CNTNAP2: variants seen among roughly 807,000 people sequenced by gnomAD.
CNTNAP2 encodes contactin associated protein 2, also known as contactin-associated protein-like 2.
In CNTNAP2, 98 loss-of-function variants were observed where a neutral mutation model predicts 155.2. The observed-to-expected ratio is 0.63, with a 90% CI of 0.54 to 0.75. CNTNAP2 has a LOEUF of 0.75. Ranked by LOEUF, CNTNAP2 falls within the 30% of genes least tolerant of loss-of-function variation. The probability of loss-of-function intolerance (pLI) is 0.00; values close to 1 mark genes in which losing one functional copy is unlikely to be tolerated. For synonymous variants in CNTNAP2, 651 were observed against 631.2 expected, an observed-to-expected ratio of 1.03 and a Z score of -0.47; for missense variants, 1,727 against 1,688.1, an observed-to-expected ratio of 1.02 and a Z score of -0.40.
chr7:146,199,148 A>G (rs1798820628), intron 1 of CNTNAP2, among the ~76,000 whole-genome samples: 1 of 152,048 alleles, frequency 6.6e-6, no homozygotes, highest in Admixed American at 6.5e-5. Flanking sequence ...TCTCCCTTTA[A>G]AACATGCCTA....
Position 146,721,889 on chromosome 7 carries a change from A to ATATATTTTT in CNTNAP2, c.98-52381_98-52380insATATTTTTT. Among the ~76,000 whole-genome samples the ATATATTTTT allele has an allele frequency of 1.9e-4, 13 of 69,738 alleles. 2 individuals are homozygous for ATATATTTTT. The African/African-American group carries it at 2.5e-3, about 13-fold the overall frequency. The allele number at this position is 69,738 out of a possible 152,430, so 45.8% of individuals were successfully genotyped here. A position where few individuals can be genotyped will look rare whatever the true frequency, so the allele number is the denominator to read the frequency against. On this transcript the variant is annotated intron_variant, in intron 1 of 23. Transcript: ENST00000361727. ...TGTGTGTGTGTGTATATATATATAT[A>ATATATTTTT]TTTTTTTTTTTTTTTTTGAGATGGA...
At chr7:147,487,780 G>A (rs1360567346) in intron 11 of CNTNAP2, among the ~76,000 whole-genome samples, 2 of 152,118 alleles carry the variant, frequency 1.3e-5, no homozygotes, top group African/African-American at 4.8e-5. Flanking sequence ...ATGACTCCAA[G>A]GATTAGAAAT....
chr7:147,591,905 C>T (rs1363918949), intron 12 of CNTNAP2, among the ~76,000 whole-genome samples: 1 of 152,154 alleles, frequency 6.6e-6, no homozygotes, highest in Non-Finnish European at 1.5e-5. Context: ...CCTGAAATTT[C>T]ATCTCTGCCT....
chr7:148,154,518 G>C (rs1805363987), intron 17 of CNTNAP2, among the ~76,000 whole-genome samples: 1 of 152,166 alleles, frequency 6.6e-6, no homozygotes, highest in African/African-American at 2.4e-5. Flanking sequence ...GTATCATTGA[G>C]AGACCAAAGA....
intron 8 of CNTNAP2, among the ~76,000 whole-genome samples, chr7:147,278,170 A>T (rs1280459018): frequency 1.3e-5 from 2 of 151,304 alleles, no homozygotes; most frequent in African/African-American, 2.4e-5. Flanking sequence ...CCATCCCTTA[A>T]TTCTTGACAA....
At chr7:147,162,038 C>T (rs1397704266) in intron 8 of CNTNAP2, 2 of 152,272 alleles carry the variant, frequency 1.3e-5, no homozygotes, top group Admixed American at 1.3e-4. Context: ...AGATCAACAA[C>T]AAAAACCATA....
intron 2 of CNTNAP2, 58 bp from the exon 3 acceptor site, chr7:146,839,653 G>T (rs891717953): frequency 1.3e-6 from 2 of 1,568,090 alleles, no homozygotes; most frequent in African/African-American, 2.7e-5. Context: ...TCCATTGTCA[G>T]TTGTACAAGT....
intron 8 of CNTNAP2, among the ~76,000 whole-genome samples, chr7:147,224,607 C>G (rs28477368): frequency 6.6e-6 from 1 of 151,726 alleles, no homozygotes; most frequent in African/African-American, 2.4e-5. Flanking sequence ...TATTAAGAAA[C>G]CTTTAGTTAG....
In CNTNAP2 at chr7:147,319,315, A is replaced by G. The variant is rs374802380; in HGVS notation, c.1498+19025A>G. On this transcript the variant is annotated intron_variant, in intron 9 of 23. Coordinates refer to ENST00000361727, the MANE Select transcript of CNTNAP2 (RefSeq NM_014141.6). ...AATCTCTTGTGTTATGTCAAAGTAT[A>G]TAATGGTAAATATCAACTAAATACA... Among the ~76,000 whole-genome samples the G allele has an allele frequency of 1.8e-3, 274 of 152,316 alleles. 7 individuals carry two copies. The Middle Eastern group carries it at 0.031, about 17-fold the overall frequency.
intron 4 of CNTNAP2, among the ~76,000 whole-genome samples, chr7:147,078,457 C>T (rs963411294): frequency 2.0e-5 from 3 of 152,082 alleles, no homozygotes; most frequent in Non-Finnish European, 2.9e-5. Context: ...TGTTTTTCTC[C>T]CATCTCATGC....
chr7:147,264,758 T>C (rs1804569675), intron 8 of CNTNAP2, among the ~76,000 whole-genome samples: 1 of 151,702 alleles, frequency 6.6e-6, no homozygotes, highest in African/African-American at 2.4e-5. Context: ...GCAAGACAGG[T>C]GATAGCATCA....
intron 21 of CNTNAP2, among the ~76,000 whole-genome samples, chr7:148,373,439 A>G (rs750572485): frequency 2.0e-5 from 3 of 152,230 alleles, no homozygotes; most frequent in African/African-American, 4.8e-5. Context: ...TGGACGACAG[A>G]GCGAGACTCA....
chr7:147,003,366 G>T (rs978337651), intron 3 of CNTNAP2, among the ~76,000 whole-genome samples: 1 of 151,644 alleles, frequency 6.6e-6, no homozygotes, highest in Middle Eastern at 3.2e-3. Context: ...AGTTAAAAAG[G>T]GGCTATAAAC....
intron 1 of CNTNAP2, among the ~76,000 whole-genome samples, chr7:146,632,679 T>C: frequency 1.3e-5 from 2 of 152,180 alleles, no homozygotes; most frequent in Middle Eastern, 6.8e-3. Flanking sequence ...ATATCAAAGA[T>C]TATAAAAAAT....
rs144291754 is a variant in CNTNAP2 at position 146,872,162 on chromosome 7, ATTTTTTTT to A, written c.402+32275_402+32282del. On this transcript the variant is annotated intron_variant, in intron 3 of 23. Coordinates refer to ENST00000361727, the MANE Select transcript of CNTNAP2 (RefSeq NM_014141.6). ...CCTTTTGGGCCAGTTAAATTATTGA[ATTTTTTTT>A]TTTTTTTTTTTTTTTTGGTAAATTG... Among the ~76,000 whole-genome samples, 911 of 111,530 alleles carry A rather than the reference ATTTTTTTT, an allele frequency of 8.2e-3. 3 individuals carry two copies. Among genetic ancestry groups the A allele is most frequent in the African/African-American group, 0.028 (838 of 29,622 alleles). 73.2% of individuals were successfully genotyped at this position (111,530 alleles called of 152,430 possible). A position where few individuals can be genotyped will look rare whatever the true frequency, so the allele number is the denominator to read the frequency against.
chr7:146,569,663 A>G (rs1798411997), intron 1 of CNTNAP2, among the ~76,000 whole-genome samples: 1 of 152,230 alleles, frequency 6.6e-6, no homozygotes, highest in Admixed American at 6.5e-5. Flanking sequence ...AGGGTAGCCC[A>G]AAGCTGACTG....
chr7:148,193,253 A>T, intron 18 of CNTNAP2, among the ~76,000 whole-genome samples: 1 of 152,160 alleles, frequency 6.6e-6, no homozygotes, highest in East Asian at 1.9e-4. Flanking sequence ...GGAGGTAAAG[A>T]TATTAGAGTC....
intron 1 of CNTNAP2, among the ~76,000 whole-genome samples, chr7:146,746,315 T>C (rs1437288875): frequency 6.6e-6 from 1 of 152,178 alleles, no homozygotes; most frequent in Admixed American, 6.5e-5. Context: ...TTGTTTCTAT[T>C]TGCTTGCCCA....
chr7:146,409,373 GT>G (rs1340358433), intron 1 of CNTNAP2, among the ~76,000 whole-genome samples: 1 of 152,066 alleles, frequency 6.6e-6, no homozygotes, highest in Non-Finnish European at 1.5e-5. Context: ...TTTAAATAGA[GT>G]TTTAGTAGCA....
Sources: allele counts gnomAD v4.1 joint callset (sites outside exome capture counted in the v4.1 genomes callset), GRCh38; gene constraint gnomAD v4.1.1; transcripts MANE v1.5; gene names NCBI Gene and HGNC (gene_info 2026-07-23, HGNC 2026-07-21).